WIF1: variants seen among roughly 807,000 people sequenced by gnomAD.
WIF1 encodes Wnt inhibitory factor 1.
Under a neutral mutation model 53.5 loss-of-function variants are expected in WIF1, and 35 were observed. The observed-to-expected ratio is 0.65, with a 90% CI of 0.50 to 0.87. The LOEUF is 0.87. Ranked by LOEUF, WIF1 falls within the 40% of genes least tolerant of loss-of-function variation. WIF1 has a pLI of 0.00. For synonymous variants in WIF1, 171 were observed against 170.4 expected (o/e 1.00, Z -0.03); for missense variants, 467 against 476.8 (o/e 0.98, Z 0.19).
intron 2 of WIF1, among the ~76,000 whole-genome samples, chr12:65,106,489 C>T (rs1592403398): frequency 6.6e-6 from 1 of 151,766 alleles, no homozygotes. Context: ...TCAGCCTCCT[C>T]AGTAGCTGGG....
intron 2 of WIF1, among the ~76,000 whole-genome samples, chr12:65,082,751 A>G (rs901094668): frequency 2.0e-5 from 3 of 152,172 alleles, no homozygotes. Flanking sequence ...GAAGCAGAGA[A>G]TTGCATTAAC....
Position 65,051,230 on chromosome 12 carries a change from C to A in WIF1, c.*119G>T. On this transcript the variant is annotated 3_prime_UTR_variant, in exon 10 of 10. Transcript: ENST00000286574. ...ATCAGCTCAGTGATTTATAATGAAG[C>A]TAATAAAATTCAGGCCAGTATTCTT... 1 of 1,270,378 alleles carries A rather than the reference C, an allele frequency of 7.9e-7. No homozygotes were observed. Among genetic ancestry groups the A allele is most frequent in the South Asian group, 1.8e-5 (1 of 55,640 alleles). The allele number at this position is 1,270,378 out of a possible 1,614,324, so 78.7% of individuals were successfully genotyped here.
intron 3 of WIF1, among the ~76,000 whole-genome samples, chr12:65,077,101 T>A (rs1882873009): frequency 1.3e-5 from 2 of 152,250 alleles, no homozygotes; most frequent in South Asian, 4.1e-4. Flanking sequence ...GTCAGTCAAA[T>A]CTCCTAAGTC....
chr12:65,102,774 G>C (rs1883300986), intron 2 of WIF1, among the ~76,000 whole-genome samples: 1 of 152,140 alleles, frequency 6.6e-6, no homozygotes, highest in African/African-American at 2.4e-5. Context: ...CTTGCTTGCT[G>C]TGCCCTAGTC....
intron 8 of WIF1, 96 bp downstream of exon 8, chr12:65,055,935 A>G: frequency 1.8e-6 from 2 of 1,081,086 alleles, no homozygotes; most frequent in Non-Finnish European, 2.7e-6. Flanking sequence ...TGTGATGCCC[A>G]GGCAACATGC....
intron 2 of WIF1, among the ~76,000 whole-genome samples, chr12:65,101,000 T>A (rs1386194439): frequency 6.6e-6 from 1 of 152,188 alleles, no homozygotes; most frequent in African/African-American, 2.4e-5. Context: ...TCTTCTTAGG[T>A]GAGTTAACTA....
rs10584146 is a variant in WIF1, at chr12:65,056,366, C to CTTTTTT, written c.827-246_827-241dup. 7.4e-4 allele frequency among the ~76,000 whole-genome samples: 18 copies of CTTTTTT among 24,262 alleles called. 4 individuals carry two copies. The highest frequency in any genetic ancestry group is 2.2e-3 in the African/African-American group (16 of 7,162). 15.9% of individuals were successfully genotyped at this position (24,262 alleles called of 152,430 possible). ...GTTGCCAAAATGCTGCATTTATATCCTTTTTTTTTTTTTTTTTTTTTTTTT... is the reference window on the plus strand; with the variant it reads ...GTTGCCAAAATGCTGCATTTATATCCTTTTTTTTTTTTTTTTTTTTTTTTTTTTTTT... On this transcript the variant is annotated intron_variant, in intron 7 of 9. Transcript: ENST00000286574.
chr12:65,118,073 G>C (rs1051380708), intron 2 of WIF1, among the ~76,000 whole-genome samples: 1 of 152,116 alleles, frequency 6.6e-6, no homozygotes, highest in East Asian at 1.9e-4. Context: ...TCAATCCTGA[G>C]GTTATTTTAA....
chr12:65,084,530 A>G (rs765816867), intron 2 of WIF1, among the ~76,000 whole-genome samples: 4 of 152,196 alleles, frequency 2.6e-5, no homozygotes, highest in Non-Finnish European at 4.4e-5. Flanking sequence ...GCCCTTAAAC[A>G]TCTACCACTA....
rs1565750846 is a variant in WIF1, at chr12:65,068,648, C to CGTGTGT, written c.538+115_538+116insACACAC. On this transcript the variant is annotated intron_variant, in intron 4 of 9. Coordinates refer to ENST00000286574, the MANE Select transcript of WIF1 (RefSeq NM_007191.5). ...GTTATAGAGCCATCATCCAAAAAAC[C>CGTGTGT]ATGTGTGTGTGTGTGTGTGTGTGTG... 10 of 1,103,152 alleles carry CGTGTGT rather than the reference C, an allele frequency of 9.1e-6. 1 individual carries two copies. The African/African-American group carries it at 1.6e-4, about 18-fold the overall frequency. 68.3% of individuals were successfully genotyped at this position (1,103,152 alleles called of 1,614,324 possible). A position where few individuals can be genotyped will look rare whatever the true frequency, so the allele number is the denominator to read the frequency against.
rs1442765586 is a variant in WIF1 at position 65,102,105 on chromosome 12, C to T, written c.288+18312G>A. On this transcript the variant is annotated intron_variant, in intron 2 of 9. Coordinates refer to ENST00000286574, the MANE Select transcript of WIF1 (RefSeq NM_007191.5). ...CTTTTAGTACTTTAAGAAACTGAGG[C>T]CCTCAAGAGTTTAGTTGATCAAGAT... 3.3e-5 allele frequency among the ~76,000 whole-genome samples: 5 copies of T among 152,234 alleles called. No homozygotes were observed. The East Asian group carries it at 9.6e-4, about 29-fold the overall frequency.
Position 65,075,025 on chromosome 12 carries a change from G to A in WIF1, c.397+2721C>T, listed in dbSNP as rs1021613429. Among the ~76,000 whole-genome samples the A allele has an allele frequency of 7.9e-5, 12 of 152,040 alleles. No homozygotes were observed. In the East Asian group the frequency reaches 1.7e-3, roughly 22 times the overall value. Reference sequence around the variant, plus strand: ...CCACATCTCTAGAATAGATACTCACGTCCTTGGGGCTACACATCTCAGGTG... The same window carrying A: ...CCACATCTCTAGAATAGATACTCACATCCTTGGGGCTACACATCTCAGGTG... On this transcript the variant is annotated intron_variant, in intron 3 of 9. Coordinates refer to ENST00000286574, the MANE Select transcript of WIF1 (RefSeq NM_007191.5).
intron 2 of WIF1, among the ~76,000 whole-genome samples, chr12:65,116,625 C>G (rs564341245): frequency 6.6e-6 from 1 of 151,776 alleles, no homozygotes; most frequent in African/African-American, 2.4e-5. Flanking sequence ...AAACCATCCC[C>G]CATCCTGTTC....
chr12:65,120,524 C>T lies in WIF1; in HGVS notation c.181G>A (p.Gly61Arg). The change falls in exon 2 of 10, where the codon GGG becomes AGG. Residue 61 changes from glycine (G) to arginine (R), a missense_variant. Physicochemically the swap from Gly to Arg is moderately radical, Grantham distance 125. Coordinates refer to ENST00000286574, the MANE Select transcript of WIF1 (RefSeq NM_007191.5). ...TCATGTGTAAAAGGTGCCATTTTCC[C>T]CTCTGAAACAATCAGGATATCTTCT... ...FEEDILIVSE[G>R]KMAPFTHDFR... is the part of the protein sequence containing the mutation. 1.1e-5 allele frequency: 18 copies of T among 1,613,814 alleles called. No homozygotes were observed. Among genetic ancestry groups the T allele is most frequent in the Non-Finnish European group, 1.5e-5 (18 of 1,179,886 alleles).
chr12:65,086,638 G>A (rs1883042172), intron 2 of WIF1, among the ~76,000 whole-genome samples: 1 of 151,950 alleles, frequency 6.6e-6, no homozygotes, highest in Admixed American at 6.6e-5. Flanking sequence ...CAGGTACTTG[G>A]GAGAAGAAGG....
At chr12:65,116,768 A>G (rs1883517460) in intron 2 of WIF1, among the ~76,000 whole-genome samples, 1 of 151,590 alleles carries the variant, frequency 6.6e-6, no homozygotes, top group African/African-American at 2.4e-5. Flanking sequence ...CCCCGTCTCT[A>G]CTAAAGATAC....
intron 2 of WIF1, 82 bp from the exon 3 acceptor site, chr12:65,077,936 G>A: frequency 9.5e-7 from 1 of 1,050,926 alleles, no homozygotes; most frequent in Non-Finnish European, 1.4e-6. Context: ...CCATCTGATG[G>A]GGCAGAGATA....
intron 3 of WIF1, among the ~76,000 whole-genome samples, chr12:65,070,909 A>G (rs1882762144): frequency 6.6e-6 from 1 of 152,072 alleles, no homozygotes; most frequent in Non-Finnish European, 1.5e-5. Flanking sequence ...TTTAGTTAAG[A>G]ACAATTATTA....
At chr12:65,094,456 T>A (rs1350962926) in intron 2 of WIF1, among the ~76,000 whole-genome samples, 1 of 152,206 alleles carries the variant, frequency 6.6e-6, no homozygotes, top group Admixed American at 6.6e-5. Flanking sequence ...AGGGTTTATA[T>A]TTGTTTCCTC....
Sources: gnomAD v4.1 joint callset for allele counts (sites outside exome capture counted in the v4.1 genomes callset) on GRCh38, gnomAD v4.1.1 for gene constraint, MANE v1.5 for transcripts, NCBI Gene and HGNC (gene_info 2026-07-23, HGNC 2026-07-21) for gene names.